Variants in NFATC1 observed in about 807,000 individuals in gnomAD.
NFATC1 encodes nuclear factor of activated T cells 1.
In NFATC1, 22 loss-of-function variants were observed where a neutral mutation model predicts 76.0. The ratio of observed to expected loss-of-function variants is 0.29; its 90% CI spans 0.21 to 0.41. The LOEUF is 0.41. Ranked by LOEUF, NFATC1 falls within the 10% of genes least tolerant of loss-of-function variation. The probability of loss-of-function intolerance (pLI) is 1.00; values close to 1 mark genes in which losing one functional copy is unlikely to be tolerated. For missense variants in NFATC1, 1,357 were observed against 1,337.7 expected, an observed-to-expected ratio of 1.01 and a Z score of -0.23; for synonymous variants, 704 against 613.1, an observed-to-expected ratio of 1.15 and a Z score of -2.19.
Position 79,474,096 on chromosome 18 carries a change from C to T in NFATC1, c.2092+6514C>T, listed in dbSNP as rs1186772143. Among the ~76,000 whole-genome samples, 6 of 138,024 alleles carry T rather than the reference C, an allele frequency of 4.3e-5. No homozygotes were observed. In the East Asian group the frequency reaches 1.0e-3, roughly 24 times the overall value. 90.5% of individuals were successfully genotyped at this position (138,024 alleles called of 152,430 possible). ...AGCGTGTTCTCACGCTCACTGTCGA[C>T]GTTGTAAACCTGAGGGAAGCGTGTT... On this transcript the variant is annotated intron_variant, in intron 8 of 9. Coordinates refer to ENST00000427363, the MANE Select transcript of NFATC1 (RefSeq NM_001278669.2).
chr18:79,471,475 A>G (rs1299814448), intron 8 of NFATC1, among the ~76,000 whole-genome samples: 1 of 152,218 alleles, frequency 6.6e-6, no homozygotes, highest in East Asian at 1.9e-4. Flanking sequence ...AAAATAAAAC[A>G]TGACAAATGC....
intron 1 of NFATC1, among the ~76,000 whole-genome samples, chr18:79,408,107 C>T (rs1405325715): frequency 6.6e-6 from 1 of 152,212 alleles, no homozygotes; most frequent in Admixed American, 6.5e-5. Flanking sequence ...TGCCGTGTTT[C>T]CCACCTACCT....
intron 2 of NFATC1, among the ~76,000 whole-genome samples, chr18:79,427,500 C>G (rs189171556): frequency 1.2e-3 from 9 of 7,554 alleles, no homozygotes; most frequent in East Asian, 3.6e-3. Context: ...TGCGGTGGGT[C>G]GGGGGAAGCT....
chr18:79,484,121 G>T (rs564959008), intron 8 of NFATC1, among the ~76,000 whole-genome samples: 2 of 151,894 alleles, frequency 1.3e-5, no homozygotes, highest in African/African-American at 4.8e-5. Context: ...CTGACGAGGC[G>T]GGGGGAGCAC....
In NFATC1 at chr18:79,396,193, C is replaced by T. The variant is rs1371657769; in HGVS notation, c.-32C>T. 11 of 1,453,826 alleles carry T rather than the reference C, an allele frequency of 7.6e-6. No homozygotes were observed. Among genetic ancestry groups the T allele is most frequent in the South Asian group, 1.3e-5 (1 of 77,546 alleles). 90.1% of individuals were successfully genotyped at this position (1,453,826 alleles called of 1,614,324 possible). The stretch of plus-strand genomic sequence containing the variant: ...GCGGCCGCTTCTCCTGTGCCTCCGC[C>T]CGCCGCTCCACTCCCCGCCGCCGCC... On this transcript the variant is annotated 5_prime_UTR_variant, in exon 1 of 10. Coordinates refer to ENST00000427363, the MANE Select transcript of NFATC1 (RefSeq NM_001278669.2).
chr18:79,400,818 T>TCCTCCCTGTTCCCTC (rs2085189039), intron 1 of NFATC1, among the ~76,000 whole-genome samples: 2 of 4,292 alleles, frequency 4.7e-4, no homozygotes, highest in Non-Finnish European at 8.5e-4. Context: ...CCTCCCGACC[T>TCCTCCCTGTTCCCTC]CCCCGACCCC....
At chr18:79,462,995 C>T (rs970843523) in intron 7 of NFATC1, among the ~76,000 whole-genome samples, 1 of 152,186 alleles carries the variant, frequency 6.6e-6, no homozygotes, top group African/African-American at 2.4e-5. Flanking sequence ...CCATGGAGAG[C>T]GGTGCTGGCA....
chr18:79,508,618 CCT>C (rs749976176), intron 9 of NFATC1, among the ~76,000 whole-genome samples: 13 of 151,842 alleles, frequency 8.6e-5, no homozygotes, highest in Non-Finnish European at 1.6e-4. Flanking sequence ...TATCTCTATC[CCT>C]CTCTCTGTCT....
At chr18:79,466,661 G>A (rs2088512082) in intron 7 of NFATC1, among the ~76,000 whole-genome samples, 1 of 152,274 alleles carries the variant, frequency 6.6e-6, no homozygotes, top group South Asian at 2.1e-4. Flanking sequence ...TCTGCTGTCT[G>A]TGCCTCCGTG....
At chr18:79,467,824 G>A (rs1600830863) in intron 8 of NFATC1, 5 of 1,155,832 alleles carry the variant, frequency 4.3e-6, no homozygotes, top group East Asian at 6.1e-5. Flanking sequence ...AGATAGTCAC[G>A]GTTATTTTGC....
intron 7 of NFATC1, among the ~76,000 whole-genome samples, chr18:79,462,646 T>C (rs1018821751): frequency 7.2e-5 from 11 of 152,198 alleles, no homozygotes; most frequent in Non-Finnish European, 1.0e-4. Flanking sequence ...GATCCCTACG[T>C]TGGATTTTTT....
intron 8 of NFATC1, among the ~76,000 whole-genome samples, chr18:79,477,510 G>T (rs189275483): frequency 2.5e-4 from 38 of 152,256 alleles, no homozygotes; most frequent in Non-Finnish European, 4.9e-4. Flanking sequence ...AAGGGGGTCC[G>T]GGGCACTGTC....
At chr18:79,396,423 C>A (rs969267135) in intron 1 of NFATC1, 72 bp downstream of exon 1, 6 of 998,362 alleles carry the variant, frequency 6.0e-6, no homozygotes, top group Non-Finnish European at 7.5e-6. Flanking sequence ...CCCGACCCCG[C>A]CCCCGTCGCC....
rs1164670271 is a variant in NFATC1, at chr18:79,400,226, C to A, written c.127+3875C>A. On this transcript the variant is annotated intron_variant, in intron 1 of 9. Coordinates refer to ENST00000427363, the MANE Select transcript of NFATC1 (RefSeq NM_001278669.2). The stretch of plus-strand genomic sequence containing the variant: ...AACTCGGAAGCCGGCGGCCGCGAGC[C>A]GGTTGTTTATGTAAACCCGGAAACG... 19 of 1,181,424 alleles carry A rather than the reference C, an allele frequency of 1.6e-5. No individual in the cohort carries two copies. The Middle Eastern group carries it at 1.1e-3, about 65-fold the overall frequency. The allele number at this position is 1,181,424 out of a possible 1,614,324, so 73.2% of individuals were successfully genotyped here. A position where few individuals can be genotyped will look rare whatever the true frequency, so the allele number is the denominator to read the frequency against.
intron 9 of NFATC1, among the ~76,000 whole-genome samples, chr18:79,492,525 T>C (rs1344357451): frequency 1.3e-5 from 2 of 151,724 alleles, no homozygotes; most frequent in Non-Finnish European, 2.9e-5. Flanking sequence ...CTGACTAACA[T>C]GGTGAAACCC....
intron 9 of NFATC1, among the ~76,000 whole-genome samples, chr18:79,487,672 G>A (rs761162503): frequency 4.7e-4 from 72 of 152,238 alleles, no homozygotes; most frequent in Admixed American, 5.9e-4. Flanking sequence ...AAGGCGCCGT[G>A]GCGTTCTTCT....
intron 2 of NFATC1, among the ~76,000 whole-genome samples, chr18:79,419,011 C>T (rs2085974952): frequency 6.6e-6 from 1 of 152,170 alleles, no homozygotes; most frequent in African/African-American, 2.4e-5. Flanking sequence ...AAGGAGAAAA[C>T]AACGTGGCTT....
intron 1 of NFATC1, among the ~76,000 whole-genome samples, chr18:79,399,630 C>T (rs972051799): frequency 1.5e-4 from 23 of 152,356 alleles, no homozygotes; most frequent in Non-Finnish European, 3.2e-4. Flanking sequence ...GCCTTCCCGC[C>T]CCGCTCAAGG....
At chr18:79,408,913 C>G in intron 1 of NFATC1, among the ~76,000 whole-genome samples, 1 of 145,176 alleles carries the variant, frequency 6.9e-6, no homozygotes, top group East Asian at 2.2e-4. Flanking sequence ...CCATCATCAT[C>G]CATCCATTAT....
Sources: gnomAD v4.1 joint callset for allele counts (sites outside exome capture counted in the v4.1 genomes callset) on GRCh38, gnomAD v4.1.1 for gene constraint, MANE v1.5 for transcripts, NCBI Gene and HGNC (gene_info 2026-07-23, HGNC 2026-07-21) for gene names.